Variants in GRK4 observed in about 807,000 individuals in gnomAD.
GRK4 encodes the protein G protein-coupled receptor kinase 4.
Under a neutral mutation model 77.9 loss-of-function variants are expected in GRK4, and 73 were observed. That is an observed-to-expected ratio of 0.94 (90% CI 0.78 to 1.14). The LOEUF (loss-of-function observed/expected upper bound fraction) is 1.14, where lower values mean the gene tolerates loss of function less well. Ranked by LOEUF, GRK4 falls within the 50% of genes most tolerant of loss-of-function variation. The probability of loss-of-function intolerance (pLI) is 0.00; values close to 1 mark genes in which losing one functional copy is unlikely to be tolerated. For synonymous variants in GRK4, 257 were observed against 254.4 expected, an observed-to-expected ratio of 1.01 and a Z score of -0.10; for missense variants, 729 against 700.2, an observed-to-expected ratio of 1.04 and a Z score of -0.46.
intron 14 of GRK4, among the ~76,000 whole-genome samples, chr4:3,037,748 C>T (rs1479392588): frequency 1.3e-5 from 2 of 152,050 alleles, no homozygotes; most frequent in African/African-American, 4.8e-5. Context: ...AACCCTGTCT[C>T]TACTAAAAGT....
chr4:2,988,075 C>CAAAAAAAAAAAAAAAAAAAAAAA lies in GRK4; in HGVS notation c.149-650_149-628dup, dbSNP rs67664476. ...TGGATGACAGAGTGAGGCTCTGTCT[C>CAAAAAAAAAAAAAAAAAAAAAAA]AAAAAAAAAAAAAAAAAAAAAAAAG... On this transcript the variant is annotated intron_variant, in intron 2 of 15. Coordinates refer to ENST00000398052, the MANE Select transcript of GRK4 (RefSeq NM_182982.3). 8.3e-3 allele frequency among the ~76,000 whole-genome samples: 279 copies of CAAAAAAAAAAAAAAAAAAAAAAA among 33,656 alleles called. 20 individuals are homozygous for CAAAAAAAAAAAAAAAAAAAAAAA. Among genetic ancestry groups the CAAAAAAAAAAAAAAAAAAAAAAA allele is most frequent in the Middle Eastern group, 0.017 (1 of 60 alleles). 22.1% of individuals were successfully genotyped at this position (33,656 alleles called of 152,430 possible). A position where few individuals can be genotyped will look rare whatever the true frequency, so the allele number is the denominator to read the frequency against.
intron 1 of GRK4, among the ~76,000 whole-genome samples, chr4:2,980,669 G>C (rs951483447): frequency 2.0e-5 from 3 of 152,080 alleles, no homozygotes; most frequent in African/African-American, 7.2e-5. Flanking sequence ...CCTACCTCTT[G>C]TTGCCACCCT....
In GRK4 at chr4:2,964,445, G is replaced by A. The variant is rs531961375; in HGVS notation, c.52+323G>A. On this transcript the variant is annotated intron_variant, in intron 1 of 15. Coordinates refer to ENST00000398052, the MANE Select transcript of GRK4 (RefSeq NM_182982.3). ...CGGTGACAGTGTTGCTTCAGGATGC[G>A]GCAGGCAGTGTCCTGCTTGTGTTGG... Among the ~76,000 whole-genome samples the A allele has an allele frequency of 2.1e-4, 32 of 152,264 alleles. No individual in the cohort carries two copies. The South Asian group carries it at 6.7e-3, about 32-fold the overall frequency.
At chr4:2,999,308 G>A (rs963308767) in intron 4 of GRK4, among the ~76,000 whole-genome samples, 7 of 152,176 alleles carry the variant, frequency 4.6e-5, no homozygotes, top group Non-Finnish European at 7.4e-5. Context: ...CCGCAATGCC[G>A]CAACAATAAC....
At chr4:3,002,174 C>T (rs748131066) in intron 4 of GRK4, among the ~76,000 whole-genome samples, 7 of 151,972 alleles carry the variant, frequency 4.6e-5, no homozygotes, top group South Asian at 4.2e-4. Flanking sequence ...TGTATAGAGA[C>T]GTTCACGGTG....
At chr4:3,013,947 T>C (rs1733673461) in intron 8 of GRK4, 119 bp downstream of exon 8, 4 of 1,113,160 alleles carry the variant, frequency 3.6e-6, no homozygotes, top group Non-Finnish European at 5.0e-6. Flanking sequence ...GTTTTCTGAG[T>C]TTATGTGGGG....
intron 4 of GRK4, among the ~76,000 whole-genome samples, chr4:3,001,369 AT>A (rs55673089): frequency 0.074 from 5,674 of 76,690 alleles, 418 homozygotes; most frequent in African/African-American, 0.19. Flanking sequence ...ATATATATAT[AT>A]TTTTTTTTTT....
rs1735493080 is a variant in GRK4 at position 3,019,534 on chromosome 4, C to T, written c.742-107C>T. ...CTGAAACATATAGTATTCACATGTT[C>T]TGATTGTAAACCTAACACAGATTAT... On this transcript the variant is annotated intron_variant, in intron 8 of 15. Transcript: ENST00000398052. 1.5e-5 allele frequency: 14 copies of T among 954,506 alleles called. No individual in the cohort carries two copies. In the South Asian group the frequency reaches 2.2e-4, roughly 15 times the overall value. The allele number at this position is 954,506 out of a possible 1,614,324, so 59.1% of individuals were successfully genotyped here.
At position 2,963,737 on chromosome 4, in the gene GRK4, G is replaced by C; in HGVS notation, c.-334G>C. The C allele has an allele frequency of 2.3e-6, 1 of 429,564 alleles. No individual in the cohort carries two copies. The highest frequency in any genetic ancestry group is 4.6e-5 in the East Asian group (1 of 21,820). 26.6% of individuals were successfully genotyped at this position (429,564 alleles called of 1,614,324 possible). A position where few individuals can be genotyped will look rare whatever the true frequency, so the allele number is the denominator to read the frequency against. On this transcript the variant is annotated 5_prime_UTR_variant, in exon 1 of 16. Transcript: ENST00000398052. The stretch of plus-strand genomic sequence containing the variant: ...CGGGGCTGCCCGGGGGCAGGGCACT[G>C]AGGAGGGAGTTGCGCGCGCGAGGCG...
chr4:2,976,631 C>CTTTTTTTTTTT (rs769469513), intron 1 of GRK4, among the ~76,000 whole-genome samples: 31 of 117,316 alleles, frequency 2.6e-4, no homozygotes, highest in South Asian at 5.5e-4. Flanking sequence ...TTCTTTCTTT[C>CTTTTTTTTTTT]TTTTTTTTTT....
intron 15 of GRK4, among the ~76,000 whole-genome samples, chr4:3,039,723 A>G (rs1191469394): frequency 3.3e-5 from 5 of 151,998 alleles, no homozygotes; most frequent in African/African-American, 7.2e-5. Flanking sequence ...AAAAAGGAAA[A>G]AAAAATAAGC....
At chr4:2,983,085 A>G (rs1723295477) in intron 1 of GRK4, among the ~76,000 whole-genome samples, 1 of 152,250 alleles carries the variant, frequency 6.6e-6, no homozygotes, top group Non-Finnish European at 1.5e-5. Flanking sequence ...GGGGAGTAGA[A>G]GAGCAAAACT....
At chr4:3,027,128 C>T (rs555807978) in intron 10 of GRK4, among the ~76,000 whole-genome samples, 30 of 152,214 alleles carry the variant, frequency 2.0e-4, no homozygotes, top group Non-Finnish European at 3.1e-4. Context: ...CAGCCTCGAC[C>T]TTCTGGGCTT....
intron 2 of GRK4, among the ~76,000 whole-genome samples, chr4:2,985,270 G>A (rs1370165828): frequency 6.6e-6 from 1 of 151,892 alleles, no homozygotes; most frequent in African/African-American, 2.4e-5. Context: ...GTGCGGTGAC[G>A]GGTGTGTGTA....
chr4:3,025,529 A>G (rs1417250781), intron 10 of GRK4, among the ~76,000 whole-genome samples: 1 of 150,312 alleles, frequency 6.7e-6, no homozygotes, highest in African/African-American at 2.4e-5. Flanking sequence ...AGCTGGGACT[A>G]CAGGCGCCCG....
intron 4 of GRK4, among the ~76,000 whole-genome samples, chr4:3,002,545 G>A (rs1730121364): frequency 6.6e-6 from 1 of 152,118 alleles, no homozygotes; most frequent in South Asian, 2.1e-4. Flanking sequence ...TTGAGGTCAG[G>A]AGTTCGAAAT....
chr4:2,966,605 T>C (rs1200032290), intron 1 of GRK4: 1 of 152,158 alleles, frequency 6.6e-6, no homozygotes, highest in Non-Finnish European at 1.5e-5. Flanking sequence ...GGATACATGC[T>C]GAGTATTGGT....
At chr4:2,996,070 CTT>C (rs61244885) in intron 4 of GRK4, among the ~76,000 whole-genome samples, 9 of 146,700 alleles carry the variant, frequency 6.1e-5, no homozygotes, top group African/African-American at 2.2e-4. Context: ...AGATAAAAAC[CTT>C]TTTTTTTTTT....
At chr4:2,993,231 G>A (rs1726800817) in intron 4 of GRK4, among the ~76,000 whole-genome samples, 1 of 152,122 alleles carries the variant, frequency 6.6e-6, no homozygotes, top group Admixed American at 6.5e-5. Context: ...GACTTACTTG[G>A]TTCTTGTAGT....
Sources: gnomAD v4.1 joint callset for allele counts (sites outside exome capture counted in the v4.1 genomes callset) on GRCh38, gnomAD v4.1.1 for gene constraint, MANE v1.5 for transcripts, NCBI Gene and HGNC (gene_info 2026-07-23, HGNC 2026-07-21) for gene names.